Variants in LDLRAD4 observed in about 807,000 individuals in gnomAD.
LDLRAD4 encodes low-density lipoprotein receptor class A domain-containing protein 4.
In LDLRAD4, 5 loss-of-function variants were observed where a neutral mutation model predicts 17.0. The ratio of observed to expected loss-of-function variants is 0.29; its 90% CI spans 0.15 to 0.62. The LOEUF is 0.62. LDLRAD4 is among the 20% of genes least tolerant of loss of function. The pLI is 0.84. For missense variants in LDLRAD4, 340 were observed against 424.7 expected, an observed-to-expected ratio of 0.80 and a Z score of 1.75; for synonymous variants, 168 against 171.8, an observed-to-expected ratio of 0.98 and a Z score of 0.17.
chr18:13,349,715 A>G (rs745950917), intron 1 of LDLRAD4, among the ~76,000 whole-genome samples: 3 of 152,174 alleles, frequency 2.0e-5, no homozygotes, highest in African/African-American at 4.8e-5. Context: ...TGCTGCACCT[A>G]TCAACCTGTC....
intron 3 of LDLRAD4, among the ~76,000 whole-genome samples, chr18:13,590,059 GAC>G (rs2094993769): frequency 1.3e-5 from 2 of 151,422 alleles, no homozygotes; most frequent in African/African-American, 4.9e-5. Flanking sequence ...GCATGTGTGT[GAC>G]TGCATGTGTG....
chr18:13,604,041 A>AAATGC (rs2095194911), intron 3 of LDLRAD4, among the ~76,000 whole-genome samples: 1 of 152,242 alleles, frequency 6.6e-6, no homozygotes. Flanking sequence ...GGCTAGTCTT[A>AAATGC]AATGCTGAAG....
chr18:13,260,112 C>T (rs1281165975), intron 1 of LDLRAD4, among the ~76,000 whole-genome samples: 2 of 152,228 alleles, frequency 1.3e-5, no homozygotes, highest in African/African-American at 2.4e-5. Flanking sequence ...GTTACTTCCC[C>T]TTAAATAGAG....
At chr18:13,221,040 A>AT (rs1280857799) in intron 1 of LDLRAD4, among the ~76,000 whole-genome samples, 1 of 152,188 alleles carries the variant, frequency 6.6e-6, no homozygotes, top group Non-Finnish European at 1.5e-5. Context: ...AGTCCTTGCC[A>AT]TGTTTCTTCT....
At chr18:13,633,644 G>T (rs967914318) in intron 4 of LDLRAD4, among the ~76,000 whole-genome samples, 1 of 152,224 alleles carries the variant, frequency 6.6e-6, no homozygotes, top group African/African-American at 2.4e-5. Context: ...TGGCCAAATT[G>T]TGACAGTGCC....
chr18:13,285,076 T>C (rs2146318866), intron 1 of LDLRAD4, among the ~76,000 whole-genome samples: 1 of 152,232 alleles, frequency 6.6e-6, no homozygotes, highest in Non-Finnish European at 1.5e-5. Flanking sequence ...TTCTTGAAAT[T>C]TGTTATATAG....
chr18:13,234,046 C>T (rs2042214299), intron 1 of LDLRAD4, among the ~76,000 whole-genome samples: 1 of 152,200 alleles, frequency 6.6e-6, no homozygotes. Context: ...TGTTCTGCCT[C>T]CAGCGTTCGT....
chr18:13,347,500 T>G (rs2082762734), intron 1 of LDLRAD4, among the ~76,000 whole-genome samples: 1 of 152,196 alleles, frequency 6.6e-6, no homozygotes, highest in Non-Finnish European at 1.5e-5. Flanking sequence ...TGACTGCCCT[T>G]AAAATTTTTT....
intron 1 of LDLRAD4, among the ~76,000 whole-genome samples, chr18:13,352,034 G>T (rs1175332363): frequency 2.0e-5 from 3 of 152,146 alleles, no homozygotes; most frequent in Admixed American, 6.5e-5. Flanking sequence ...CTCAATAGAT[G>T]CAGAAAAGGC....
chr18:13,226,496 A>T (rs1305191114), intron 1 of LDLRAD4, among the ~76,000 whole-genome samples: 1 of 151,974 alleles, frequency 6.6e-6, no homozygotes, highest in Non-Finnish European at 1.5e-5. Context: ...AATATTATTT[A>T]AAAAACCTTT....
intron 3 of LDLRAD4, among the ~76,000 whole-genome samples, chr18:13,481,716 C>CTGGT (rs1555706094): frequency 6.6e-6 from 1 of 151,684 alleles, no homozygotes; most frequent in East Asian, 1.9e-4. Flanking sequence ...GGGTCCTGAG[C>CTGGT]TGGGCCTGAG....
intron 1 of LDLRAD4, among the ~76,000 whole-genome samples, chr18:13,308,252 C>T (rs2047028580): frequency 6.6e-6 from 1 of 152,208 alleles, no homozygotes; most frequent in Non-Finnish European, 1.5e-5. Flanking sequence ...CCTTTGTTTA[C>T]AGCCATCTGG....
chr18:13,298,187 C>A (rs1299337551), intron 1 of LDLRAD4, among the ~76,000 whole-genome samples: 1 of 152,206 alleles, frequency 6.6e-6, no homozygotes, highest in East Asian at 1.9e-4. Context: ...GTTTAGAGAC[C>A]TTGGAGATTC....
chr18:13,495,300 G>A (rs548487187), intron 3 of LDLRAD4, among the ~76,000 whole-genome samples: 15 of 152,264 alleles, frequency 9.9e-5, no homozygotes, highest in African/African-American at 3.6e-4. Flanking sequence ...GGTGCGGGGA[G>A]GGCTCTGAGA....
intron 3 of LDLRAD4, among the ~76,000 whole-genome samples, chr18:13,594,982 A>C (rs1485286437): frequency 3.3e-5 from 5 of 152,080 alleles, no homozygotes; most frequent in African/African-American, 1.2e-4. Flanking sequence ...GTGCCTTTCT[A>C]GAATTTTTTT....
At chr18:13,329,916 G>A (rs113062739) in intron 1 of LDLRAD4, among the ~76,000 whole-genome samples, 9,706 of 150,884 alleles carry the variant, frequency 0.064, 358 homozygotes, top group South Asian at 0.098. Context: ...AATTTTTGAG[G>A]CTTTCTACAT....
At chr18:13,461,688 G>T (rs549772964) in intron 3 of LDLRAD4, among the ~76,000 whole-genome samples, 1 of 152,158 alleles carries the variant, frequency 6.6e-6, no homozygotes, top group Non-Finnish European at 1.5e-5. Context: ...AGTGGCCTTT[G>T]ATCAGTCTGA....
chr18:13,415,164 A>G (rs1402342874), intron 2 of LDLRAD4, among the ~76,000 whole-genome samples: 1 of 152,170 alleles, frequency 6.6e-6, no homozygotes, highest in Non-Finnish European at 1.5e-5. Flanking sequence ...TCTCTGGAAT[A>G]ATACAACACA....
intron 3 of LDLRAD4, among the ~76,000 whole-genome samples, chr18:13,502,410 A>G (rs192362553): frequency 3.9e-5 from 6 of 152,370 alleles, no homozygotes; most frequent in African/African-American, 1.2e-4. Flanking sequence ...TCACACACCC[A>G]TAGCTGAATA....
Sources: allele counts gnomAD v4.1 joint callset (sites outside exome capture counted in the v4.1 genomes callset), GRCh38; gene constraint gnomAD v4.1.1; transcripts MANE v1.5; gene names NCBI Gene and HGNC (gene_info 2026-07-23, HGNC 2026-07-21).